The following KCND2 variants were observed in gnomAD, a reference collection of about 807,000 sequenced individuals.
The protein encoded by KCND2 is potassium voltage-gated channel subfamily D member 2, also known as A-type voltage-gated potassium channel KCND2.
A neutral mutation model predicts 54.4 loss-of-function variants in KCND2; 16 were observed. The ratio of observed to expected loss-of-function variants is 0.29; its 90% CI spans 0.20 to 0.45. KCND2 has a LOEUF of 0.45. Among genes scored for constraint, KCND2 ranks in the 20% least tolerant of loss-of-function variants. The pLI is 1.00. For synonymous variants in KCND2, 317 were observed against 310.7 expected (o/e 1.02, Z -0.21); for missense variants, 486 against 824.2 (o/e 0.59, Z 5.02).
chr7:120,603,024 A>G (rs936922000), intron 1 of KCND2, among the ~76,000 whole-genome samples: 1 of 152,224 alleles, frequency 6.6e-6, no homozygotes, highest in Non-Finnish European at 1.5e-5. Context: ...AATATTATGT[A>G]GCCAACTTAT....
chr7:120,431,646 C>G (rs183392962), intron 1 of KCND2, among the ~76,000 whole-genome samples: 342 of 152,220 alleles, frequency 2.2e-3, no homozygotes, highest in Non-Finnish European at 3.7e-3. Flanking sequence ...GATTACTTAG[C>G]CTCAGTATTA....
At chr7:120,401,615 T>G (rs555977207) in intron 1 of KCND2, among the ~76,000 whole-genome samples, 10 of 152,250 alleles carry the variant, frequency 6.6e-5, no homozygotes, top group African/African-American at 2.4e-4. Flanking sequence ...ATTTCATTAT[T>G]AGAAATATTA....
At chr7:120,280,355 C>G (rs910703058) in intron 1 of KCND2, among the ~76,000 whole-genome samples, 3 of 151,948 alleles carry the variant, frequency 2.0e-5, no homozygotes, top group Non-Finnish European at 2.9e-5. Context: ...GTTAATCCAG[C>G]CTGTAGTACT....
chr7:120,449,483 A>C (rs1221725020), intron 1 of KCND2, among the ~76,000 whole-genome samples: 1 of 152,176 alleles, frequency 6.6e-6, no homozygotes, highest in Non-Finnish European at 1.5e-5. Context: ...AGACAGAGTA[A>C]TCTGTTCCTA....
chr7:120,476,860 G>A (rs574417215), intron 1 of KCND2, among the ~76,000 whole-genome samples: 1 of 152,304 alleles, frequency 6.6e-6, no homozygotes. Context: ...AAGAGGAGCT[G>A]CTGGGTTTGA....
chr7:120,460,370 G>A (rs1384424302), intron 1 of KCND2, among the ~76,000 whole-genome samples: 1 of 152,142 alleles, frequency 6.6e-6, no homozygotes, highest in Non-Finnish European at 1.5e-5. Context: ...TCTAGAGACG[G>A]AGCTTATATC....
chr7:120,320,659 T>A (rs1799881419), intron 1 of KCND2, among the ~76,000 whole-genome samples: 1 of 152,050 alleles, frequency 6.6e-6, no homozygotes, highest in Admixed American at 6.6e-5. Flanking sequence ...TAAAAGTTTA[T>A]TGTAGTGGTT....
At chr7:120,392,162 T>C (rs905103556) in intron 1 of KCND2, among the ~76,000 whole-genome samples, 3 of 152,134 alleles carry the variant, frequency 2.0e-5, no homozygotes, top group African/African-American at 7.2e-5. Context: ...CACCCTTTAA[T>C]GAATAGGAGA....
At chr7:120,488,616 A>G (rs1289460798) in intron 1 of KCND2, among the ~76,000 whole-genome samples, 1 of 152,170 alleles carries the variant, frequency 6.6e-6, no homozygotes, top group Non-Finnish European at 1.5e-5. Context: ...TTAACACTAT[A>G]CAAAAATTCT....
chr7:120,292,430 T>C (rs1026683918), intron 1 of KCND2, among the ~76,000 whole-genome samples: 1 of 151,928 alleles, frequency 6.6e-6, no homozygotes, highest in Non-Finnish European at 1.5e-5. Context: ...TTCACAGATA[T>C]AGACTTGTAA....
chr7:120,554,437 C>T (rs1792137672), intron 1 of KCND2, among the ~76,000 whole-genome samples: 1 of 151,228 alleles, frequency 6.6e-6, no homozygotes, highest in African/African-American at 2.4e-5. Context: ...GAGACGGAGT[C>T]TCTCTCTGTA....
chr7:120,707,499 G>A (rs1792484534), intron 1 of KCND2, among the ~76,000 whole-genome samples: 2 of 152,006 alleles, frequency 1.3e-5, no homozygotes, highest in South Asian at 4.1e-4. Context: ...TGTCCATAGG[G>A]GAAATAAGGA....
At chr7:120,362,224 A>C (rs1178607945) in intron 1 of KCND2, among the ~76,000 whole-genome samples, 1 of 152,050 alleles carries the variant, frequency 6.6e-6, no homozygotes, top group African/African-American at 2.4e-5. Context: ...TCCATAAATA[A>C]TTTTTGGAAC....
Position 120,401,407 on chromosome 7 carries a change from A to G in KCND2, c.1115+125660A>G, listed in dbSNP as rs190606422. Among the ~76,000 whole-genome samples the G allele has an allele frequency of 5.3e-5, 8 of 152,264 alleles. No individual in the cohort carries two copies. The East Asian group carries it at 1.5e-3, about 29-fold the overall frequency. On this transcript the variant is annotated intron_variant, in intron 1 of 5. Transcript: ENST00000331113. ...GAGGTACTGCCCATTGTGGAAAGTT[A>G]CATCTAAAACATTTATACTTTCTAA...
At chr7:120,636,030 G>C (rs1342887402) in intron 1 of KCND2, among the ~76,000 whole-genome samples, 1 of 152,094 alleles carries the variant, frequency 6.6e-6, no homozygotes, top group Non-Finnish European at 1.5e-5. Flanking sequence ...TGGCCTTCCT[G>C]CTCCAGAAAT....
intron 1 of KCND2, among the ~76,000 whole-genome samples, chr7:120,673,922 T>TTTTTTTTTTTTTTTTTTTTTTTTTTC: frequency 6.6e-6 from 1 of 151,238 alleles, no homozygotes; most frequent in African/African-American, 2.4e-5. Context: ...TTTTTTTTTT[T>TTTTTTTTTTTTTTTTTTTTTTTTTTC]CTACAGGAGC....
chr7:120,645,303 G>A (rs1793425561), intron 1 of KCND2, among the ~76,000 whole-genome samples: 1 of 152,162 alleles, frequency 6.6e-6, no homozygotes. Flanking sequence ...TGTGGCCCAT[G>A]ACTAGTAGCA....
intron 1 of KCND2, among the ~76,000 whole-genome samples, chr7:120,490,412 G>A (rs1034388545): frequency 5.9e-5 from 9 of 152,050 alleles, no homozygotes; most frequent in East Asian, 1.9e-4. Context: ...TATATAATTC[G>A]TTGATAAGCA....
Position 120,274,934 on chromosome 7 carries a change from C to T in KCND2, c.302C>T (p.Thr101Ile). 1 of 1,614,126 alleles carries T rather than the reference C, an allele frequency of 6.2e-7. No homozygotes were observed. The highest frequency in any genetic ancestry group is 8.5e-7 in the Non-Finnish European group (1 of 1,180,028). ...CGCCACATCCTGAATTTCTACCGCA[C>T]TGGGAAGCTCCACTATCCTCGCCAC... ...IFRHILNFYR[T>I]GKLHYPRHEC... The change falls in exon 1 of 6, where the codon ACT becomes ATT. Residue 101 changes from threonine to isoleucine, a missense_variant. This residue lies in a region of KCND2 where 231 missense variants were observed against 386.0 expected (regional missense o/e 0.60). Transcript: ENST00000331113.
Sources: gnomAD v4.1 joint callset for allele counts (sites outside exome capture counted in the v4.1 genomes callset) on GRCh38, gnomAD v4.1.1 for gene constraint, gnomAD v4.1.1 regional missense constraint, MANE v1.5 for transcripts, NCBI Gene and HGNC (gene_info 2026-07-23, HGNC 2026-07-21) for gene names.